Variants in HHAT observed in about 807,000 individuals in gnomAD.
The protein encoded by HHAT is protein-cysteine N-palmitoyltransferase HHAT.
A neutral mutation model predicts 70.8 loss-of-function variants in HHAT; 47 were observed. That is an observed-to-expected ratio of 0.66 (90% CI 0.53 to 0.85). The LOEUF (loss-of-function observed/expected upper bound fraction) is 0.85. Among genes scored for constraint, HHAT ranks in the 40% least tolerant of loss-of-function variants. HHAT has a pLI of 0.00. For missense variants in HHAT, 609 were observed against 604.8 expected (o/e 1.01, Z -0.07); for synonymous variants, 228 against 247.6 (o/e 0.92, Z 0.74).
chr1:210,562,297 T>C (rs1021343793), intron 9 of HHAT, among the ~76,000 whole-genome samples: 2 of 150,788 alleles, frequency 1.3e-5, no homozygotes, highest in African/African-American at 4.9e-5. Flanking sequence ...ATCGTTGACG[T>C]TGGGGGCTTC....
intron 8 of HHAT, among the ~76,000 whole-genome samples, chr1:210,502,775 T>C (rs923250573): frequency 6.6e-6 from 1 of 152,222 alleles, no homozygotes. Context: ...CAACAACTTA[T>C]AAATTCATGT....
At chr1:210,380,605 A>G (rs1205050502) in intron 3 of HHAT, among the ~76,000 whole-genome samples, 3 of 152,066 alleles carry the variant, frequency 2.0e-5, no homozygotes, top group Non-Finnish European at 4.4e-5. Context: ...TGTTACAGGT[A>G]ACCGTAGTGG....
At chr1:210,507,006 A>G (rs922460832) in intron 8 of HHAT, among the ~76,000 whole-genome samples, 8 of 152,226 alleles carry the variant, frequency 5.3e-5, no homozygotes, top group Admixed American at 6.5e-5. Flanking sequence ...TGTGCTGTGC[A>G]TTACTGAATT....
chr1:210,670,587 G>T (rs1169064332), intron 11 of HHAT, among the ~76,000 whole-genome samples: 1 of 152,128 alleles, frequency 6.6e-6, no homozygotes, highest in East Asian at 1.9e-4. Flanking sequence ...ACCTCAGCAT[G>T]TGACTTCATT....
In HHAT at chr1:210,481,790, G is replaced by A. The variant is rs751950667; in HGVS notation, c.1007+17135G>A. 3.2e-4 allele frequency among the ~76,000 whole-genome samples: 49 copies of A among 152,322 alleles called. No homozygotes were observed. In the Middle Eastern group the frequency reaches 0.01, roughly 32 times the overall value. On this transcript the variant is annotated intron_variant, in intron 8 of 11. Transcript: ENST00000261458. The stretch of plus-strand genomic sequence containing the variant: ...AAATACACAATTTGTGAATAATGAG[G>A]ATTGAGTGTCAATGAATGATCAGCA...
chr1:210,377,271 AT>A (rs1056871912), intron 3 of HHAT, among the ~76,000 whole-genome samples: 5 of 151,828 alleles, frequency 3.3e-5, no homozygotes, highest in Non-Finnish European at 5.9e-5. Flanking sequence ...ATTCTATTAC[AT>A]TTTTTTCATC....
chr1:210,673,547 T>C (rs12122565), intron 11 of HHAT, among the ~76,000 whole-genome samples: 51,769 of 151,072 alleles, frequency 0.34, 10,312 homozygotes, highest in South Asian at 0.53. Context: ...TTTTTCCTTT[T>C]TCAATTACTA....
rs142714983 is a variant in HHAT, at chr1:210,456,471, C to T, written c.857-8034C>T. ...TTTTGAGCACCAGAGGGTCAACTAC[C>T]GGATGTGCATGGCCTTGCCATCAAC... On this transcript the variant is annotated intron_variant, in intron 7 of 11. Transcript: ENST00000261458. 7.9e-5 allele frequency among the ~76,000 whole-genome samples: 12 copies of T among 152,332 alleles called. No homozygotes were observed. The East Asian group carries it at 1.7e-3, about 22-fold the overall frequency.
rs147268044 is a variant in HHAT, at chr1:210,542,860, T to G, written c.1043+29672T>G. Among the ~76,000 whole-genome samples, 193 of 152,300 alleles carry G rather than the reference T, an allele frequency of 1.3e-3. 1 individual carries two copies. The highest frequency in any genetic ancestry group is 4.5e-3 in the African/African-American group (185 of 41,558). Reference sequence around the variant, plus strand: ...ATATTAAGTATACGTGTTGTATATATATTATACATATATGGATATATTTAT... The same window carrying G: ...ATATTAAGTATACGTGTTGTATATAGATTATACATATATGGATATATTTAT... On this transcript the variant is annotated intron_variant, in intron 9 of 11. Transcript: ENST00000261458.
intron 10 of HHAT, among the ~76,000 whole-genome samples, chr1:210,593,316 G>A (rs1239758259): frequency 5.9e-5 from 9 of 152,006 alleles, no homozygotes; most frequent in Admixed American, 5.9e-4. Context: ...GGTGCCTATA[G>A]CTATAACTTT....
At chr1:210,465,401 G>GT (rs2094079124) in intron 8 of HHAT, among the ~76,000 whole-genome samples, 1 of 152,212 alleles carries the variant, frequency 6.6e-6, no homozygotes, top group African/African-American at 2.4e-5. Flanking sequence ...CTTCCAGAGT[G>GT]TAACAAGTGA....
rs1000499734 is a variant in HHAT, at chr1:210,559,004, T to A, written c.1044-28894T>A. Among the ~76,000 whole-genome samples the A allele has an allele frequency of 1.1e-4, 17 of 152,336 alleles. No individual in the cohort carries two copies. The East Asian group carries it at 2.7e-3, about 24-fold the overall frequency. ...TAGTGACTCATGGAATTAGATGGTA[T>A]CTAACTTGGTAGAATCCCGTTCGGT... On this transcript the variant is annotated intron_variant, in intron 9 of 11. Transcript: ENST00000261458.
At chr1:210,553,911 A>G (rs950340824) in intron 9 of HHAT, among the ~76,000 whole-genome samples, 1 of 152,146 alleles carries the variant, frequency 6.6e-6, no homozygotes, top group Non-Finnish European at 1.5e-5. Flanking sequence ...TGGGGCTGAC[A>G]TATTACTAGA....
At chr1:210,559,296 G>A (rs2095600542) in intron 9 of HHAT, among the ~76,000 whole-genome samples, 1 of 152,128 alleles carries the variant, frequency 6.6e-6, no homozygotes, top group Non-Finnish European at 1.5e-5. Flanking sequence ...GACCTTCTCT[G>A]TACTCTTCAT....
chr1:210,581,256 CTT>C (rs1659208896), intron 9 of HHAT, among the ~76,000 whole-genome samples: 2 of 152,238 alleles, frequency 1.3e-5, no homozygotes, highest in Admixed American at 6.5e-5. Context: ...ATTGTGAAAA[CTT>C]TTTATAAGTA....
chr1:210,643,426 A>T (rs1673363881), intron 11 of HHAT, among the ~76,000 whole-genome samples: 1 of 152,244 alleles, frequency 6.6e-6, no homozygotes, highest in African/African-American at 2.4e-5. Flanking sequence ...TAAAACTCAT[A>T]GTCAGTGTTA....
intron 9 of HHAT, among the ~76,000 whole-genome samples, chr1:210,550,361 A>G (rs1362207171): frequency 6.7e-6 from 1 of 149,246 alleles, no homozygotes; most frequent in Non-Finnish European, 1.5e-5. Flanking sequence ...ACAATGGAGA[A>G]TGGCTCCTTC....
chr1:210,442,715 A>G (rs1463949908), intron 7 of HHAT, among the ~76,000 whole-genome samples: 4 of 152,144 alleles, frequency 2.6e-5, no homozygotes, highest in African/African-American at 4.8e-5. Flanking sequence ...TCTTTCTTGT[A>G]AATTTGTTTG....
In HHAT at chr1:210,575,127, G is replaced by A. The variant is rs536507282; in HGVS notation, c.1044-12771G>A. Among the ~76,000 whole-genome samples, 19 of 152,218 alleles carry A rather than the reference G, an allele frequency of 1.2e-4. No individual in the cohort carries two copies. The South Asian group carries it at 3.5e-3, about 28-fold the overall frequency. On this transcript the variant is annotated intron_variant, in intron 9 of 11. Coordinates refer to ENST00000261458, the MANE Select transcript of HHAT (RefSeq NM_018194.6). ...ATGCCTTAGGGGCAAGGGAGGGTGG[G>A]CTCTTTCCCCTACCTCTTCTCCTCC...
Sources: allele counts gnomAD v4.1 joint callset (sites outside exome capture counted in the v4.1 genomes callset), GRCh38; gene constraint gnomAD v4.1.1; transcripts MANE v1.5; gene names NCBI Gene and HGNC (gene_info 2026-07-23, HGNC 2026-07-21).